The following SHISAL1 variants were observed in gnomAD, a reference collection of about 807,000 sequenced individuals.
The protein encoded by SHISAL1 is protein shisa-like-1.
Under a neutral mutation model 22.6 loss-of-function variants are expected in SHISAL1, and 9 were observed. That is an observed-to-expected ratio of 0.40 (90% CI 0.24 to 0.70). The LOEUF (loss-of-function observed/expected upper bound fraction) is 0.70, where lower values mean the gene tolerates loss of function less well. Ranked by LOEUF, SHISAL1 falls within the 30% of genes least tolerant of loss-of-function variation. The pLI is 0.39. For synonymous variants in SHISAL1, 119 were observed against 115.4 expected, an observed-to-expected ratio of 1.03 and a Z score of -0.20; for missense variants, 246 against 270.6, an observed-to-expected ratio of 0.91 and a Z score of 0.64.
At chr22:44,314,140 GC>G (rs2055542130), upstream of SHISAL1, among the ~76,000 whole-genome samples, 1 of 150,716 alleles carries the variant, frequency 6.6e-6, no homozygotes, top group Non-Finnish European at 1.5e-5. Context: ...GGGTCGCCTG[GC>G]TGGGGACTCA....
rs977397825 is a variant in SHISAL1, at chr22:44,249,493, C to T, written c.*192G>A. 1.9e-6 allele frequency: 1 copy of T among 534,256 alleles called. No individual in the cohort carries two copies. The highest frequency in any genetic ancestry group is 2.0e-5 in the African/African-American group (1 of 51,052). 33.1% of individuals were successfully genotyped at this position (534,256 alleles called of 1,614,324 possible). A position where few individuals can be genotyped will look rare whatever the true frequency, so the allele number is the denominator to read the frequency against. ...GAATCCCCTCCCCTGCACCCCCAGC[C>T]CCTACCCCTGAGTTTGCTCCTAATC... On this transcript the variant is annotated 3_prime_UTR_variant, in exon 5 of 5. Coordinates refer to ENST00000381176, the MANE Select transcript of SHISAL1 (RefSeq NM_001099294.2).
At chr22:44,325,247 GAAAAAAAAA>G in the SHISAL1 span, among the ~76,000 whole-genome samples, 1 of 126,686 alleles carries the variant, frequency 7.9e-6, no homozygotes, top group Non-Finnish European at 1.7e-5. Flanking sequence ...CGTCTCAAAA[GAAAAAAAAA>G]AAAAAAGACC....
At chr22:44,272,369 G>T (rs1178224077) in intron 4 of SHISAL1, among the ~76,000 whole-genome samples, 1 of 152,204 alleles carries the variant, frequency 6.6e-6, no homozygotes, top group East Asian at 1.9e-4. Context: ...GGTCAGAATG[G>T]ATTTTCTACA....
At chr22:44,313,677 C>A (rs1336856281), upstream of SHISAL1, among the ~76,000 whole-genome samples, 1 of 152,052 alleles carries the variant, frequency 6.6e-6, no homozygotes, top group Non-Finnish European at 1.5e-5. Flanking sequence ...TGCCAGGCAC[C>A]CCCCCAGCCC....
intron 4 of SHISAL1, among the ~76,000 whole-genome samples, chr22:44,252,048 T>A (rs925891690): frequency 6.6e-6 from 1 of 152,182 alleles, no homozygotes; most frequent in Non-Finnish European, 1.5e-5. Context: ...AGCGTAGAAT[T>A]TGTGTAACTG....
the SHISAL1 span, among the ~76,000 whole-genome samples, chr22:44,327,993 G>A: frequency 2.6e-5 from 4 of 152,270 alleles, no homozygotes; most frequent in Non-Finnish European, 4.4e-5. Context: ...CTCTCAGTTC[G>A]CTCTAAGATC....
chr22:44,248,834 G>A lies in SHISAL1; in HGVS notation c.*851C>T, dbSNP rs1278216394. The A allele has an allele frequency of 6.6e-6, 1 of 152,186 alleles. No individual in the cohort carries two copies. The highest frequency in any genetic ancestry group is 1.5e-5 in the Non-Finnish European group (1 of 68,056). The allele number at this position is 152,186 out of a possible 1,614,324, so 9.4% of individuals were successfully genotyped here. A position where few individuals can be genotyped will look rare whatever the true frequency, so the allele number is the denominator to read the frequency against. On this transcript the variant is annotated 3_prime_UTR_variant, in exon 5 of 5. Coordinates refer to ENST00000381176, the MANE Select transcript of SHISAL1 (RefSeq NM_001099294.2). ...TGTCACGTCCAGGGAGTTGGAGCCTGGACTTTGGGTTCCGGCACCGCTTCC... is the reference window on the plus strand; with the variant it reads ...TGTCACGTCCAGGGAGTTGGAGCCTAGACTTTGGGTTCCGGCACCGCTTCC...
chr22:44,296,607 T>G, intron 3 of SHISAL1, 65 bp downstream of exon 3: 1 of 1,487,314 alleles, frequency 6.7e-7, no homozygotes, highest in Non-Finnish European at 9.3e-7. Flanking sequence ...GGACGCGATT[T>G]TGGGAGGCAG....
chr22:44,252,155 G>C (rs1307906756), intron 4 of SHISAL1, among the ~76,000 whole-genome samples: 2 of 152,176 alleles, frequency 1.3e-5, no homozygotes, highest in Non-Finnish European at 2.9e-5. Context: ...TGGAGGGGTG[G>C]AGATGAGAAG....
the SHISAL1 span, among the ~76,000 whole-genome samples, chr22:44,331,710 G>C: frequency 6.8e-6 from 1 of 147,692 alleles, no homozygotes; most frequent in South Asian, 2.1e-4. The surrounding 1 kb of genome is among the most constrained non-coding windows in gnomAD (Gnocchi z 5.2). Context: ...CGGGCGCGGC[G>C]CGGAGCTGGG....
At chr22:44,325,712 G>A in the SHISAL1 span, among the ~76,000 whole-genome samples, 4 of 151,982 alleles carry the variant, frequency 2.6e-5, no homozygotes, top group African/African-American at 4.8e-5. Flanking sequence ...GCTACCCAAG[G>A]GCAGTGGAAA....
At chr22:44,285,849 G>T in intron 3 of SHISAL1, 104 bp from the exon 4 acceptor site, 1 of 992,004 alleles carries the variant, frequency 1.0e-6, no homozygotes, top group Non-Finnish European at 1.5e-6. Context: ...GGGCTATGTT[G>T]GGGTCCCCGG....
chr22:44,301,041 C>A, intron 1 of SHISAL1, 64 bp from the exon 2 acceptor site: 1 of 1,178,770 alleles, frequency 8.5e-7, no homozygotes. Flanking sequence ...GCTTTCCTGC[C>A]CACAGCGGGG....
chr22:44,327,886 A>C, the SHISAL1 span, among the ~76,000 whole-genome samples: 1 of 152,156 alleles, frequency 6.6e-6, no homozygotes, highest in Non-Finnish European at 1.5e-5. Flanking sequence ...TTAGGAAACA[A>C]GGCCCCACTA....
rs2055015239 is a variant in SHISAL1 at position 44,247,839 on chromosome 22, A to ATCT, written c.*1843_*1845dup. The ATCT allele has an allele frequency of 6.7e-6, 1 of 148,778 alleles. No homozygotes were observed. Among genetic ancestry groups the ATCT allele is most frequent in the South Asian group, 2.1e-4 (1 of 4,732 alleles). The allele number at this position is 148,778 out of a possible 1,614,324, so 9.2% of individuals were successfully genotyped here. On this transcript the variant is annotated 3_prime_UTR_variant, in exon 5 of 5. Transcript: ENST00000381176. ...CCCAGAGCTGGGCACTATCACCCTCATCTCCTTCTGCCTTCCCTCTGGGTC... is the reference window on the plus strand; with the variant it reads ...CCCAGAGCTGGGCACTATCACCCTCATCTTCTCCTTCTGCCTTCCCTCTGGGTC...
chr22:44,304,505 A>T (rs147578362), intron 1 of SHISAL1, among the ~76,000 whole-genome samples: 2,433 of 152,128 alleles, frequency 0.016, 65 homozygotes, highest in African/African-American at 0.054. Context: ...CACTAAGCTT[A>T]CTCATCTCTT....
At chr22:44,286,290 G>T (rs184926187) in intron 3 of SHISAL1, among the ~76,000 whole-genome samples, 25 of 152,304 alleles carry the variant, frequency 1.6e-4, no homozygotes, top group East Asian at 5.8e-4. Flanking sequence ...TCCCCCAGGG[G>T]TCCCCTTCAC....
the SHISAL1 span, among the ~76,000 whole-genome samples, chr22:44,326,988 T>C: frequency 3.9e-5 from 6 of 152,190 alleles, no homozygotes; most frequent in Admixed American, 1.3e-4. Flanking sequence ...GTCTGCAATA[T>C]AGGCTTGAAC....
At chr22:44,252,270 T>C (rs570797620) in intron 4 of SHISAL1, among the ~76,000 whole-genome samples, 56 of 147,612 alleles carry the variant, frequency 3.8e-4, no homozygotes, top group African/African-American at 1.4e-3. Context: ...ACAAAAAATA[T>C]AGTCAACTAA....
Sources: allele counts gnomAD v4.1 joint callset (sites outside exome capture counted in the v4.1 genomes callset), GRCh38; gene constraint gnomAD v4.1.1; non-coding constraint Gnocchi (gnomAD v3.1); transcripts MANE v1.5; gene names NCBI Gene and HGNC (gene_info 2026-07-23, HGNC 2026-07-21).